The following SECISBP2L variants were observed in gnomAD, a reference collection of about 807,000 sequenced individuals.
SECISBP2L encodes the protein SECIS binding protein 2 like.
A neutral mutation model predicts 114.7 loss-of-function variants in SECISBP2L; 43 were observed. The observed-to-expected ratio is 0.38, with a 90% CI of 0.29 to 0.48. The LOEUF is 0.48. Ranked by LOEUF, SECISBP2L falls within the 20% of genes least tolerant of loss-of-function variation. The probability of loss-of-function intolerance (pLI) is 0.98; values close to 1 mark genes in which losing one functional copy is unlikely to be tolerated. For synonymous variants in SECISBP2L, 451 were observed against 439.7 expected (o/e 1.03, Z -0.32); for missense variants, 1,136 against 1,301.1 (o/e 0.87, Z 1.95).
In SECISBP2L at chr15:49,033,036, T is replaced by C; in HGVS notation, c.593A>G (p.Lys198Arg). 1 of 1,614,170 alleles carries C rather than the reference T, an allele frequency of 6.2e-7. No individual in the cohort carries two copies. Among genetic ancestry groups the C allele is most frequent in the Non-Finnish European group, 8.5e-7 (1 of 1,180,022 alleles). ...ATCAGGACCTGCTGCATTTGTTTCT[T>C]TCTGAGTAGCTACATTTTTCACCAG... ...RPLVKNVATQ[K>R]ETNAAGPDSR... Residue 198 changes from lysine (K) to arginine (R), a missense_variant, in exon 4 of 18, where the codon AAA becomes AGA. Coordinates refer to ENST00000559471, the MANE Select transcript of SECISBP2L (RefSeq NM_001193489.2).
intron 4 of SECISBP2L, 124 bp downstream of exon 4, chr15:49,032,841 G>T: frequency 8.1e-7 from 1 of 1,238,454 alleles, no homozygotes; most frequent in Non-Finnish European, 1.1e-6. Context: ...ATTTCACAAA[G>T]TGGCAGGACA....
intron 11 of SECISBP2L, chr15:49,016,305 G>C: frequency 6.3e-6 from 2 of 315,588 alleles, no homozygotes; most frequent in South Asian, 1.0e-4. Context: ...TGAGTAGTTA[G>C]AGTATGGATA....
chr15:49,008,526 C>T (rs977857778), intron 14 of SECISBP2L, among the ~76,000 whole-genome samples: 1 of 152,104 alleles, frequency 6.6e-6, no homozygotes, highest in African/African-American at 2.4e-5. Flanking sequence ...AATTAACTTT[C>T]CAAAGCTAGG....
intron 14 of SECISBP2L, among the ~76,000 whole-genome samples, chr15:49,008,750 G>A (rs1308229654): frequency 6.6e-6 from 1 of 152,122 alleles, no homozygotes; most frequent in African/African-American, 2.4e-5. Flanking sequence ...CATATTCTGT[G>A]ATCCCCCCAG....
chr15:49,016,775 A>G, intron 10 of SECISBP2L, 73 bp downstream of exon 10: 1 of 1,542,302 alleles, frequency 6.5e-7, no homozygotes, highest in Non-Finnish European at 8.7e-7. Context: ...GACTACATTT[A>G]TCACTCCTTC....
intron 6 of SECISBP2L, 56 bp from the exon 7 acceptor site, chr15:49,027,536 A>T: frequency 9.3e-7 from 1 of 1,080,668 alleles, no homozygotes; most frequent in Non-Finnish European, 1.3e-6. Context: ...GGAAAACCTA[A>T]ATTGACCTGA....
At chr15:49,040,832 C>G (rs1363199805) in intron 1 of SECISBP2L, among the ~76,000 whole-genome samples, 1 of 151,698 alleles carries the variant, frequency 6.6e-6, no homozygotes, top group African/African-American at 2.4e-5. Flanking sequence ...GCCACCGCGC[C>G]CGGCCGATCC....
At chr15:49,000,643 G>C (rs1163000458) in intron 15 of SECISBP2L, among the ~76,000 whole-genome samples, 1 of 152,190 alleles carries the variant, frequency 6.6e-6, no homozygotes, top group African/African-American at 2.4e-5. Flanking sequence ...AGGGACAGTT[G>C]GTGGGCCAAA....
At chr15:49,004,702 T>C (rs1902281735) in intron 14 of SECISBP2L, among the ~76,000 whole-genome samples, 2 of 152,256 alleles carry the variant, frequency 1.3e-5, no homozygotes, top group African/African-American at 4.8e-5. Context: ...CAGTAGTCAT[T>C]CAGGAACAGG....
chr15:49,043,372 A>G (rs1368680707), intron 1 of SECISBP2L, among the ~76,000 whole-genome samples: 1 of 152,168 alleles, frequency 6.6e-6, no homozygotes, highest in African/African-American at 2.4e-5. Context: ...AAAGACATTA[A>G]TAACTAGTAA....
intron 14 of SECISBP2L, among the ~76,000 whole-genome samples, chr15:49,003,415 T>C (rs1008268579): frequency 2.6e-5 from 4 of 152,212 alleles, no homozygotes; most frequent in Admixed American, 6.5e-5. Flanking sequence ...CTCTTTCTAT[T>C]TGAATACCCT....
intron 8 of SECISBP2L, among the ~76,000 whole-genome samples, chr15:49,019,130 A>G (rs1023041537): frequency 1.3e-5 from 2 of 152,188 alleles, no homozygotes; most frequent in Non-Finnish European, 2.9e-5. Context: ...AAAGCTCCAT[A>G]CTAAATAAAG....
intron 14 of SECISBP2L, among the ~76,000 whole-genome samples, chr15:49,003,820 G>GTGC (rs1187486665): frequency 6.6e-6 from 1 of 152,208 alleles, no homozygotes; most frequent in African/African-American, 2.4e-5. Flanking sequence ...GCTTTTTGAT[G>GTGC]TGCTGCTAAA....
chr15:49,044,627 C>T (rs1644615176), intron 1 of SECISBP2L, among the ~76,000 whole-genome samples: 1 of 152,104 alleles, frequency 6.6e-6, no homozygotes, highest in South Asian at 2.1e-4. Context: ...AAAAAAAAGT[C>T]AACAGAAAAC....
chr15:49,038,913 A>C (rs1454009546), intron 1 of SECISBP2L, among the ~76,000 whole-genome samples: 1 of 152,164 alleles, frequency 6.6e-6, no homozygotes, highest in African/African-American at 2.4e-5. Context: ...TATTTATTAG[A>C]GGCTCCCACC....
chr15:48,990,888 G>A lies in SECISBP2L; in HGVS notation c.*1356C>T, dbSNP rs1167464732. ...GACAGTTGGGGGTGGTGGGGAGTTGGATGGAAGACAAAAAAATTACATAGT... is the reference window on the plus strand; with the variant it reads ...GACAGTTGGGGGTGGTGGGGAGTTGAATGGAAGACAAAAAAATTACATAGT... On this transcript the variant is annotated 3_prime_UTR_variant, in exon 18 of 18. Coordinates refer to ENST00000559471, the MANE Select transcript of SECISBP2L (RefSeq NM_001193489.2). The A allele has an allele frequency of 2.0e-5, 3 of 151,614 alleles. No homozygotes were observed. The highest frequency in any genetic ancestry group is 2.0e-4 in the Admixed American group (3 of 15,260). 9.4% of individuals were successfully genotyped at this position (151,614 alleles called of 1,614,324 possible). A position where few individuals can be genotyped will look rare whatever the true frequency, so the allele number is the denominator to read the frequency against.
chr15:49,038,510 T>C (rs1903058111), intron 1 of SECISBP2L, among the ~76,000 whole-genome samples: 1 of 150,936 alleles, frequency 6.6e-6, no homozygotes, highest in Non-Finnish European at 1.5e-5. Context: ...ATAAAATCCA[T>C]AAAAGTCAGG....
chr15:49,012,579 A>T, intron 12 of SECISBP2L, 69 bp downstream of exon 12: 1 of 1,522,086 alleles, frequency 6.6e-7, no homozygotes, highest in Non-Finnish European at 9.0e-7. Context: ...ACCACAACCT[A>T]CTTTTACAAA....
Position 49,005,451 on chromosome 15 carries a change from T to C in SECISBP2L, c.2027+3765A>G, listed in dbSNP as rs114659199. On this transcript the variant is annotated intron_variant, in intron 14 of 17. Transcript: ENST00000559471. Reference sequence around the variant, plus strand: ...TGCATATACATTTGGGATAGTTACCTCATCTTGATGCATTGATCCCTTTAC... The same window carrying C: ...TGCATATACATTTGGGATAGTTACCCCATCTTGATGCATTGATCCCTTTAC... Among the ~76,000 whole-genome samples, 1,299 of 152,080 alleles carry C rather than the reference T, an allele frequency of 8.5e-3. 18 individuals are homozygous for C. The highest frequency in any genetic ancestry group is 0.03 in the African/African-American group (1,252 of 41,496).
Sources: gnomAD v4.1 joint callset for allele counts (sites outside exome capture counted in the v4.1 genomes callset) on GRCh38, gnomAD v4.1.1 for gene constraint, MANE v1.5 for transcripts, NCBI Gene and HGNC (gene_info 2026-07-23, HGNC 2026-07-21) for gene names.